RHPN2: variants seen among roughly 807,000 people sequenced by gnomAD.
RHPN2 encodes the protein rhophilin Rho GTPase binding protein 2, also known as rhophilin-2.
In RHPN2, 40 loss-of-function variants were observed where a neutral mutation model predicts 79.0. The ratio of observed to expected loss-of-function variants is 0.51; its 90% CI spans 0.39 to 0.66. The LOEUF (loss-of-function observed/expected upper bound fraction) is 0.66, where lower values mean the gene tolerates loss of function less well. RHPN2 is among the 30% of genes least tolerant of loss of function. The pLI, the probability that RHPN2 is intolerant of heterozygous loss-of-function variation, is 0.00. For synonymous variants in RHPN2, 285 were observed against 363.5 expected (o/e 0.78, Z 2.46); for missense variants, 686 against 883.5 (o/e 0.78, Z 2.83).
intron 7 of RHPN2, among the ~76,000 whole-genome samples, chr19:33,003,397 A>G (rs566898381): frequency 2.7e-5 from 4 of 148,170 alleles, no homozygotes; most frequent in South Asian, 2.1e-4. Context: ...AAGACAGGAG[A>G]AAAAAAAAAG....
Position 32,993,908 on chromosome 19 carries a change from G to C in RHPN2, c.1497+69C>G. ...TGTTATAGCAGCCCACATGGACTAA[G>C]ACACCATACTCGCCAAAGTGAAGAG... On this transcript the variant is annotated intron_variant, in intron 12 of 14. Transcript: ENST00000254260. 2.6e-6 allele frequency: 3 copies of C among 1,149,550 alleles called. No individual in the cohort carries two copies. The South Asian group carries it at 3.7e-5, about 14-fold the overall frequency. The allele number at this position is 1,149,550 out of a possible 1,614,324, so 71.2% of individuals were successfully genotyped here. A position where few individuals can be genotyped will look rare whatever the true frequency, so the allele number is the denominator to read the frequency against.
chr19:33,009,295 A>T (rs1273303726), intron 6 of RHPN2, among the ~76,000 whole-genome samples: 1 of 82,198 alleles, frequency 1.2e-5, no homozygotes, highest in African/African-American at 4.7e-5. Context: ...CTTCAATTAT[A>T]AAAAAAAAAA....
At chr19:33,031,911 G>A (rs1042804823) in intron 2 of RHPN2, among the ~76,000 whole-genome samples, 1 of 151,512 alleles carries the variant, frequency 6.6e-6, no homozygotes, top group African/African-American at 2.4e-5. Context: ...AGTAGAGAGG[G>A]GTTTCACCAT....
intron 1 of RHPN2, among the ~76,000 whole-genome samples, chr19:33,058,279 G>A (rs754003016): frequency 6.6e-6 from 1 of 152,234 alleles, no homozygotes; most frequent in African/African-American, 2.4e-5. Context: ...GGGAACTGCT[G>A]CCAAAGAAAC....
At chr19:33,034,478 C>T (rs1213582698) in intron 2 of RHPN2, among the ~76,000 whole-genome samples, 3 of 151,696 alleles carry the variant, frequency 2.0e-5, no homozygotes, top group Non-Finnish European at 2.9e-5. Flanking sequence ...TGGTGGTGGG[C>T]GCCTATAGTC....
At chr19:33,025,280 C>T (rs904305141) in intron 3 of RHPN2, among the ~76,000 whole-genome samples, 1 of 146,554 alleles carries the variant, frequency 6.8e-6, no homozygotes, top group African/African-American at 2.5e-5. Context: ...CAAGACCAAC[C>T]TGGGCAACAT....
chr19:33,011,890 G>T, intron 5 of RHPN2, 87 bp from the exon 6 acceptor site: 2 of 1,566,806 alleles, frequency 1.3e-6, no homozygotes, highest in South Asian at 2.2e-5. Flanking sequence ...CATACCAGCA[G>T]GTGCCTGTAA....
At chr19:32,985,514 G>A (rs1157534595) in intron 14 of RHPN2, among the ~76,000 whole-genome samples, 1 of 152,128 alleles carries the variant, frequency 6.6e-6, no homozygotes, top group Non-Finnish European at 1.5e-5. Flanking sequence ...TTCCATGCCT[G>A]TAGTCCTAGC....
At chr19:32,984,739 G>C (rs1971602151) in intron 14 of RHPN2, among the ~76,000 whole-genome samples, 1 of 152,054 alleles carries the variant, frequency 6.6e-6, no homozygotes, top group African/African-American at 2.4e-5. Context: ...GTCTCTTGAG[G>C]CTAGAAATTC....
chr19:33,064,260 G>C (rs1257771109), intron 1 of RHPN2, among the ~76,000 whole-genome samples: 1 of 152,220 alleles, frequency 6.6e-6, no homozygotes, highest in Non-Finnish European at 1.5e-5. Flanking sequence ...CTGGAGGCCA[G>C]GAAGTCGAGG....
chr19:32,988,733 C>T (rs1971630909), intron 14 of RHPN2, among the ~76,000 whole-genome samples: 1 of 152,168 alleles, frequency 6.6e-6, no homozygotes. Context: ...CCTTTCTTGT[C>T]CCTCTGCAAC....
intron 4 of RHPN2, among the ~76,000 whole-genome samples, chr19:33,016,332 C>G (rs1971877432): frequency 6.6e-6 from 1 of 152,056 alleles, no homozygotes; most frequent in Non-Finnish European, 1.5e-5. Context: ...CTCAACCTCC[C>G]AAGTAGCTGG....
intron 9 of RHPN2, 32 bp downstream of exon 9, chr19:33,002,215 C>G: frequency 6.2e-7 from 1 of 1,608,538 alleles, no homozygotes; most frequent in Non-Finnish European, 8.5e-7. Context: ...GACCACAGCC[C>G]TCGCCAAACT....
At chr19:33,061,425 T>A (rs368415536) in intron 1 of RHPN2, among the ~76,000 whole-genome samples, 1 of 151,588 alleles carries the variant, frequency 6.6e-6, no homozygotes, top group Admixed American at 6.6e-5. Flanking sequence ...CAGGAAGGTC[T>A]CGATCTCCTG....
chr19:32,983,542 C>G (rs1288863619), intron 14 of RHPN2, among the ~76,000 whole-genome samples: 1 of 151,572 alleles, frequency 6.6e-6, no homozygotes, highest in Non-Finnish European at 1.5e-5. Context: ...CTTTCTTGAC[C>G]CTGTTCCCCT....
chr19:33,001,241 A>G (rs193062762), intron 9 of RHPN2, among the ~76,000 whole-genome samples: 136 of 152,296 alleles, frequency 8.9e-4, no homozygotes, highest in African/African-American at 3.2e-3. Context: ...TACTCATTAG[A>G]TCAAAAATCC....
intron 1 of RHPN2, among the ~76,000 whole-genome samples, chr19:33,050,970 A>G (rs1171919365): frequency 6.6e-6 from 1 of 152,154 alleles, no homozygotes; most frequent in African/African-American, 2.4e-5. Flanking sequence ...GTACTAACTC[A>G]AATAAGTTTA....
At chr19:33,050,130 G>A (rs183543354) in intron 1 of RHPN2, among the ~76,000 whole-genome samples, 1 of 152,276 alleles carries the variant, frequency 6.6e-6, no homozygotes, top group Admixed American at 6.5e-5. Context: ...GAAGATCAGG[G>A]TCAATCGAAA....
chr19:33,025,321 A>AC (rs1232143837), intron 3 of RHPN2, among the ~76,000 whole-genome samples: 1 of 151,166 alleles, frequency 6.6e-6, no homozygotes, highest in African/African-American at 2.4e-5. Flanking sequence ...TAAAAAAAAA[A>AC]AAAAAAAACA....
Sources: allele counts gnomAD v4.1 joint callset (sites outside exome capture counted in the v4.1 genomes callset), GRCh38; gene constraint gnomAD v4.1.1; transcripts MANE v1.5; gene names NCBI Gene and HGNC (gene_info 2026-07-23, HGNC 2026-07-21).